Variants in CACNA2D3 observed in about 807,000 individuals in gnomAD.
CACNA2D3 encodes voltage-dependent calcium channel subunit alpha-2/delta-3.
Under a neutral mutation model 160.6 loss-of-function variants are expected in CACNA2D3, and 60 were observed. The ratio of observed to expected loss-of-function variants is 0.37; its 90% CI spans 0.30 to 0.46. The LOEUF is 0.46. Ranked by LOEUF, CACNA2D3 falls within the 20% of genes least tolerant of loss-of-function variation. The pLI is 1.00. For missense variants in CACNA2D3, 1,205 were observed against 1,365.0 expected (o/e 0.88, Z 1.85); for synonymous variants, 558 against 492.9 (o/e 1.13, Z -1.75).
intron 2 of CACNA2D3, among the ~76,000 whole-genome samples, chr3:54,179,067 G>A (rs1700730325): frequency 6.6e-6 from 1 of 152,188 alleles, no homozygotes; most frequent in Non-Finnish European, 1.5e-5. Context: ...AGAGGGGTTA[G>A]TAGTGGCTTG....
chr3:54,593,497 C>T (rs557744420), intron 9 of CACNA2D3, among the ~76,000 whole-genome samples: 4 of 152,154 alleles, frequency 2.6e-5, no homozygotes, highest in Non-Finnish European at 5.9e-5. Context: ...TCAGGAGGTA[C>T]ACCTGATATA....
chr3:54,783,529 C>T (rs1474466948), intron 13 of CACNA2D3, among the ~76,000 whole-genome samples: 1 of 152,048 alleles, frequency 6.6e-6, no homozygotes, highest in African/African-American at 2.4e-5. Context: ...TCACTTGAAC[C>T]CGGGAGGTGG....
intron 2 of CACNA2D3, among the ~76,000 whole-genome samples, chr3:54,318,754 G>A (rs904778636): frequency 2.7e-4 from 41 of 150,426 alleles, no homozygotes; most frequent in African/African-American, 9.3e-4. Context: ...GAGTACAGTG[G>A]GATAATCATA....
intron 14 of CACNA2D3, among the ~76,000 whole-genome samples, chr3:54,822,511 G>C (rs906916867): frequency 6.6e-6 from 1 of 152,214 alleles, no homozygotes; most frequent in Non-Finnish European, 1.5e-5. Context: ...GTGTACCCAT[G>C]TGAGTCTTGG....
At chr3:54,858,309 C>T (rs1391651725) in intron 17 of CACNA2D3, among the ~76,000 whole-genome samples, 1 of 152,044 alleles carries the variant, frequency 6.6e-6, no homozygotes, top group Admixed American at 6.6e-5. Context: ...TTCTAACTTG[C>T]CCAGTGTCAT....
chr3:55,010,471 G>C (rs1023793720), intron 34 of CACNA2D3, among the ~76,000 whole-genome samples: 1 of 152,320 alleles, frequency 6.6e-6, no homozygotes, highest in Middle Eastern at 3.4e-3. Context: ...CAATGATGAT[G>C]ATCGCCTCCA....
At chr3:54,352,683 A>G (rs576164636) in intron 3 of CACNA2D3, among the ~76,000 whole-genome samples, 1 of 152,204 alleles carries the variant, frequency 6.6e-6, no homozygotes, top group Non-Finnish European at 1.5e-5. Flanking sequence ...AAATTGCAGC[A>G]TGCTCCCAAA....
At chr3:54,841,894 C>T (rs1407863897) in intron 16 of CACNA2D3, among the ~76,000 whole-genome samples, 2 of 152,328 alleles carry the variant, frequency 1.3e-5, no homozygotes, top group East Asian at 3.9e-4. Context: ...GAGAATATGC[C>T]TCTGGTCCAG....
chr3:54,452,595 C>A (rs949348605), intron 4 of CACNA2D3, among the ~76,000 whole-genome samples: 2 of 152,184 alleles, frequency 1.3e-5, no homozygotes, highest in South Asian at 2.1e-4. Flanking sequence ...TTCCATTACC[C>A]AATCCAAAGC....
chr3:54,891,297 A>G (rs1203328028), intron 24 of CACNA2D3, 58 bp from the exon 25 acceptor site: 9 of 1,138,038 alleles, frequency 7.9e-6, no homozygotes, highest in South Asian at 2.6e-5. Flanking sequence ...TTAAAATGCA[A>G]TGTATTATCT....
chr3:54,441,595 T>C (rs531947415), intron 4 of CACNA2D3, among the ~76,000 whole-genome samples: 2 of 152,366 alleles, frequency 1.3e-5, no homozygotes, highest in African/African-American at 4.8e-5. Context: ...GCCTAGGTTT[T>C]CTTGTAGGGT....
chr3:54,448,261 G>A (rs1300172804), intron 4 of CACNA2D3, among the ~76,000 whole-genome samples: 1 of 152,150 alleles, frequency 6.6e-6, no homozygotes, highest in Non-Finnish European at 1.5e-5. Context: ...CCTCTGAATG[G>A]CCTGAAAAAT....
At chr3:54,542,186 C>T (rs1701991614) in intron 5 of CACNA2D3, among the ~76,000 whole-genome samples, 1 of 151,828 alleles carries the variant, frequency 6.6e-6, no homozygotes, top group African/African-American at 2.4e-5. Flanking sequence ...CTCAGCCTCC[C>T]GAGTAGCTGG....
chr3:54,587,153 G>C (rs1287896917), intron 9 of CACNA2D3, among the ~76,000 whole-genome samples: 2 of 151,738 alleles, frequency 1.3e-5, no homozygotes, highest in Non-Finnish European at 2.9e-5. Flanking sequence ...AAATAATAAA[G>C]AGCCAAACTC....
intron 2 of CACNA2D3, among the ~76,000 whole-genome samples, chr3:54,289,773 T>A (rs985320748): frequency 6.6e-6 from 1 of 152,114 alleles, no homozygotes; most frequent in Non-Finnish European, 1.5e-5. Context: ...AACCATCTGA[T>A]CTTTGACAAA....
chr3:54,497,491 CTT>C (rs1248311066), intron 4 of CACNA2D3, among the ~76,000 whole-genome samples: 1 of 151,946 alleles, frequency 6.6e-6, no homozygotes, highest in African/African-American at 2.4e-5. Flanking sequence ...TGTTAACTCT[CTT>C]TAAGTTATAT....
chr3:54,513,055 C>A (rs1701484731), intron 5 of CACNA2D3, among the ~76,000 whole-genome samples: 1 of 152,082 alleles, frequency 6.6e-6, no homozygotes, highest in African/African-American at 2.4e-5. Flanking sequence ...CCCCATGATT[C>A]AATTTCCTCC....
intron 2 of CACNA2D3, among the ~76,000 whole-genome samples, chr3:54,142,852 G>A (rs1699961630): frequency 6.6e-6 from 1 of 152,206 alleles, no homozygotes; most frequent in African/African-American, 2.4e-5. Flanking sequence ...GCCTATGTCT[G>A]TAACCACTAT....
intron 11 of CACNA2D3, among the ~76,000 whole-genome samples, chr3:54,661,129 C>G (rs1182625139): frequency 6.6e-6 from 1 of 152,146 alleles, no homozygotes; most frequent in African/African-American, 2.4e-5. Flanking sequence ...AGGAAGGCTT[C>G]TGAGGCCCCA....
Sources: gnomAD v4.1 joint callset for allele counts (sites outside exome capture counted in the v4.1 genomes callset) on GRCh38, gnomAD v4.1.1 for gene constraint, MANE v1.5 for transcripts, NCBI Gene and HGNC (gene_info 2026-07-23, HGNC 2026-07-21) for gene names.